TMTC2: variants seen among roughly 807,000 people sequenced by gnomAD.
TMTC2 encodes the protein protein O-mannosyl-transferase TMTC2.
In TMTC2, 43 loss-of-function variants were observed where a neutral mutation model predicts 82.4. The ratio of observed to expected loss-of-function variants is 0.52; its 90% confidence interval spans 0.41 to 0.67. The LOEUF is 0.67. TMTC2 is among the 30% of genes least tolerant of loss of function. TMTC2 has a pLI of 0.00. For missense variants in TMTC2, 919 were observed against 1,012.4 expected (o/e 0.91, Z 1.25); for synonymous variants, 408 against 381.9 (o/e 1.07, Z -0.80).
intron 1 of TMTC2, among the ~76,000 whole-genome samples, chr12:82,729,963 C>G (rs543818329): frequency 6.6e-6 from 1 of 151,886 alleles, no homozygotes; most frequent in South Asian, 2.1e-4. Flanking sequence ...TAACACTTAT[C>G]GGGAAGGTCT....
intron 7 of TMTC2, among the ~76,000 whole-genome samples, chr12:82,976,004 G>A (rs1878654035): frequency 1.3e-5 from 2 of 151,766 alleles, no homozygotes; most frequent in African/African-American, 2.4e-5. Flanking sequence ...TTTTCCTGAA[G>A]ACAGTATTAT....
intron 11 of TMTC2, among the ~76,000 whole-genome samples, chr12:83,079,697 A>G (rs1819970622): frequency 2.0e-5 from 3 of 152,184 alleles, no homozygotes; most frequent in Non-Finnish European, 4.4e-5. Context: ...TATAGAAACT[A>G]TTTGGAAAGT....
chr12:82,721,179 C>T (rs923295133), intron 1 of TMTC2, among the ~76,000 whole-genome samples: 2 of 152,212 alleles, frequency 1.3e-5, no homozygotes, highest in Non-Finnish European at 2.9e-5. Context: ...CTTCCTCCTC[C>T]ATCCAGTTTC....
chr12:82,804,233 T>C (rs1879141367), intron 1 of TMTC2, among the ~76,000 whole-genome samples: 2 of 152,230 alleles, frequency 1.3e-5, no homozygotes, highest in African/African-American at 4.8e-5. Flanking sequence ...GAAATGTTTT[T>C]ATGAGATTAA....
chr12:82,687,715 C>T (rs777106618), intron 1 of TMTC2, 46 bp downstream of exon 1: 2 of 1,551,604 alleles, frequency 1.3e-6, no homozygotes, highest in South Asian at 2.3e-5. Context: ...GGGGCACACT[C>T]CGCAGTGGCT....
chr12:83,063,477 A>G (rs1191021899), intron 11 of TMTC2, among the ~76,000 whole-genome samples: 1 of 151,894 alleles, frequency 6.6e-6, no homozygotes, highest in Non-Finnish European at 1.5e-5. Context: ...TTGAGCACTT[A>G]TTATTATGTG....
intron 1 of TMTC2, among the ~76,000 whole-genome samples, chr12:82,833,869 A>G (rs1183345007): frequency 6.6e-6 from 1 of 152,220 alleles, no homozygotes; most frequent in African/African-American, 2.4e-5. Flanking sequence ...ACAAATAAAC[A>G]TAGCAATACA....
At chr12:82,998,818 C>T (rs1037664055) in intron 8 of TMTC2, among the ~76,000 whole-genome samples, 3 of 151,708 alleles carry the variant, frequency 2.0e-5, no homozygotes, top group Non-Finnish European at 2.9e-5. Context: ...TATGAGGCAC[C>T]TATGTATTTT....
chr12:82,936,818 T>G (rs1876343182), intron 4 of TMTC2, among the ~76,000 whole-genome samples: 1 of 152,176 alleles, frequency 6.6e-6, no homozygotes, highest in Non-Finnish European at 1.5e-5. Flanking sequence ...ATATTCAGCT[T>G]CTTGGGGTAG....
chr12:82,825,305 C>T (rs1565767226), intron 1 of TMTC2, among the ~76,000 whole-genome samples: 1 of 152,118 alleles, frequency 6.6e-6, no homozygotes, highest in Non-Finnish European at 1.5e-5. Flanking sequence ...AGGACAAAAA[C>T]TGTTGGGAAT....
intron 1 of TMTC2, among the ~76,000 whole-genome samples, chr12:82,795,928 T>G (rs1056806773): frequency 6.6e-6 from 1 of 152,194 alleles, no homozygotes; most frequent in Admixed American, 6.5e-5. Flanking sequence ...GAGAACATGA[T>G]TAAGTGATTT....
intron 8 of TMTC2, among the ~76,000 whole-genome samples, chr12:83,020,011 G>C (rs967073162): frequency 6.6e-6 from 1 of 152,144 alleles, no homozygotes; most frequent in Non-Finnish European, 1.5e-5. Context: ...TACCTTTGCT[G>C]TGCCTCTACT....
At chr12:82,841,294 G>A (rs928297692) in intron 1 of TMTC2, among the ~76,000 whole-genome samples, 3 of 152,168 alleles carry the variant, frequency 2.0e-5, no homozygotes, top group Non-Finnish European at 2.9e-5. Flanking sequence ...GTTTGGTCAA[G>A]AAATGATATA....
At chr12:82,819,342 A>G (rs1318757121) in intron 1 of TMTC2, among the ~76,000 whole-genome samples, 1 of 151,982 alleles carries the variant, frequency 6.6e-6, no homozygotes, top group East Asian at 1.9e-4. Context: ...AACATTTCTA[A>G]TTTTATAACT....
chr12:82,883,080 A>C (rs1213155), intron 2 of TMTC2, among the ~76,000 whole-genome samples: 25,964 of 150,506 alleles, frequency 0.17, 5,345 homozygotes, highest in African/African-American at 0.49. Flanking sequence ...AAAAAAAAAA[A>C]AACCAAAACC....
intron 4 of TMTC2, among the ~76,000 whole-genome samples, chr12:82,936,914 T>C (rs1453687796): frequency 6.6e-6 from 1 of 152,150 alleles, no homozygotes; most frequent in African/African-American, 2.4e-5. Context: ...ATGAAATCCA[T>C]ATCAGAGTAG....
At chr12:82,741,597 C>T (rs1397882348) in intron 1 of TMTC2, among the ~76,000 whole-genome samples, 3 of 152,220 alleles carry the variant, frequency 2.0e-5, no homozygotes, top group African/African-American at 2.4e-5. Flanking sequence ...GCGTGAGCCA[C>T]CACACGCAGC....
intron 1 of TMTC2, among the ~76,000 whole-genome samples, chr12:82,789,029 C>T (rs991675373): frequency 2.0e-5 from 3 of 152,098 alleles, no homozygotes; most frequent in African/African-American, 4.8e-5. Context: ...AAAGGAAAAC[C>T]TGTTACCTAC....
In TMTC2 at chr12:82,832,492, T is replaced by A. The variant is rs1253854409; in HGVS notation, c.84-24518T>A. ...CAAGTAATTATATTGTAAATCAGTA[T>A]CTGAGTGAGGAGCATGGGGTACCTC... On this transcript the variant is annotated intron_variant, in intron 1 of 11. Coordinates refer to ENST00000321196, the MANE Select transcript of TMTC2 (RefSeq NM_152588.3). Among the ~76,000 whole-genome samples, 4 of 152,188 alleles carry A rather than the reference T, an allele frequency of 2.6e-5. No homozygotes were observed. In the East Asian group the frequency reaches 7.7e-4, roughly 29 times the overall value.
Sources: gnomAD v4.1 joint callset for allele counts (sites outside exome capture counted in the v4.1 genomes callset) on GRCh38, gnomAD v4.1.1 for gene constraint, MANE v1.5 for transcripts, NCBI Gene and HGNC (gene_info 2026-07-23, HGNC 2026-07-21) for gene names.